Variants in FLRT1 observed in about 807,000 individuals in gnomAD.
FLRT1 encodes leucine-rich repeat transmembrane protein FLRT1.
FLRT1 carries 14 observed loss-of-function variants against 30.9 expected under a neutral mutation model. That is an observed-to-expected ratio of 0.45 (90% CI 0.30 to 0.71). The LOEUF (loss-of-function observed/expected upper bound fraction) is 0.71, where lower values mean the gene tolerates loss of function less well. Among genes scored for constraint, FLRT1 ranks in the 30% least tolerant of loss-of-function variants. FLRT1 has a pLI of 0.08. For synonymous variants in FLRT1, 368 were observed against 430.4 expected (o/e 0.85, Z 1.80); for missense variants, 737 against 949.2 (o/e 0.78, Z 2.94).
intron 1 of FLRT1, among the ~76,000 whole-genome samples, chr11:64,041,517 T>A (rs1943487126): frequency 6.8e-6 from 1 of 146,742 alleles, no homozygotes; most frequent in South Asian, 2.3e-4. Context: ...GAGGGTGTGT[T>A]GGGGGACACC....
In FLRT1 at chr11:64,064,670, C is replaced by T. The variant is rs2622417; in HGVS notation, c.-1038+28511C>T. Among the ~76,000 whole-genome samples the T allele has an allele frequency of 2.9e-4, 39 of 136,340 alleles. No homozygotes were observed. The highest frequency in any genetic ancestry group is 3.5e-3 in the Middle Eastern group (1 of 288). 89.4% of individuals were successfully genotyped at this position (136,340 alleles called of 152,430 possible). A position where few individuals can be genotyped will look rare whatever the true frequency, so the allele number is the denominator to read the frequency against. On this transcript the variant is annotated intron_variant, in intron 1 of 2. Coordinates refer to ENST00000682287, the MANE Select transcript of FLRT1 (RefSeq NM_013280.5). This position sits in a 1 kb window ranked among gnomAD's most constrained non-coding sequence, Gnocchi z 4.5. The stretch of plus-strand genomic sequence containing the variant: ...TAGGGGCCTCTGGCAGGACATTAAA[C>T]GGCACCGAGATAGAAGGAGGGGGGC...
intron 2 of FLRT1, among the ~76,000 whole-genome samples, chr11:64,112,651 C>T (rs1031114026): frequency 1.6e-4 from 25 of 152,194 alleles, no homozygotes; most frequent in Admixed American, 6.5e-4. Context: ...CAGGAAAGGC[C>T]TCACTGGAAG....
intron 1 of FLRT1, among the ~76,000 whole-genome samples, chr11:64,049,360 C>T (rs187032185): frequency 5.3e-4 from 81 of 152,348 alleles, no homozygotes; most frequent in African/African-American, 1.9e-3. Context: ...CTGTTCACAG[C>T]GGTGCCCACG....
At chr11:64,087,395 T>C (rs1590888837) in intron 1 of FLRT1, among the ~76,000 whole-genome samples, 1 of 152,176 alleles carries the variant, frequency 6.6e-6, no homozygotes, top group East Asian at 1.9e-4. Flanking sequence ...CACAGGCCGG[T>C]TGTCCCCAGC....
intron 1 of FLRT1, among the ~76,000 whole-genome samples, chr11:64,091,491 G>T (rs796960868): frequency 6.7e-5 from 10 of 150,186 alleles, no homozygotes; most frequent in African/African-American, 2.2e-4. Flanking sequence ...CAGGGGTGAG[G>T]CTGGGGTGGG....
chr11:64,040,856 C>A (rs971451581), intron 1 of FLRT1, among the ~76,000 whole-genome samples: 38 of 152,186 alleles, frequency 2.5e-4, no homozygotes, highest in Admixed American at 4.6e-4. Flanking sequence ...CAGCTAGCCA[C>A]TAGGGGACAC....
chr11:64,081,273 C>T (rs1048794579), intron 1 of FLRT1, among the ~76,000 whole-genome samples: 2 of 152,192 alleles, frequency 1.3e-5, no homozygotes, highest in Admixed American at 6.5e-5. Context: ...CTGCCCACCT[C>T]GGCCTCCCAA....
At chr11:64,079,430 G>A (rs1053450950) in intron 1 of FLRT1, among the ~76,000 whole-genome samples, 4 of 152,154 alleles carry the variant, frequency 2.6e-5, no homozygotes, top group African/African-American at 9.7e-5. Context: ...AAGACAGTGG[G>A]TGTTGAAGCC....
At chr11:64,038,394 C>G (rs1943423610) in intron 1 of FLRT1, among the ~76,000 whole-genome samples, 1 of 152,290 alleles carries the variant, frequency 6.6e-6, no homozygotes, top group Non-Finnish European at 1.5e-5. Context: ...CAGGGAAGGG[C>G]AGTGCACACA....
At chr11:64,100,836 G>T (rs1480915904) in intron 1 of FLRT1, among the ~76,000 whole-genome samples, 2 of 152,194 alleles carry the variant, frequency 1.3e-5, no homozygotes, top group East Asian at 3.9e-4. Flanking sequence ...GTTCCAGGAG[G>T]CTCTGCAGGC....
At chr11:64,100,092 G>C (rs1410208487) in intron 1 of FLRT1, among the ~76,000 whole-genome samples, 1 of 152,160 alleles carries the variant, frequency 6.6e-6, no homozygotes, top group Non-Finnish European at 1.5e-5. Context: ...CACAAGTCCT[G>C]CTCCCTCTTC....
In FLRT1 at chr11:64,100,351, T is replaced by C. The variant is rs547624247; in HGVS notation, c.-1037-2843T>C. ...GTGATGTGATTGACGACAACAAAAG[T>C]AGAAAATTGTGTAAGCATCTCAAAG... On this transcript the variant is annotated intron_variant, in intron 1 of 2. Coordinates refer to ENST00000682287, the MANE Select transcript of FLRT1 (RefSeq NM_013280.5). Among the ~76,000 whole-genome samples, 64 of 152,238 alleles carry C rather than the reference T, an allele frequency of 4.2e-4. 2 individuals are homozygous for C. The South Asian group carries it at 5.2e-3, about 12-fold the overall frequency.
intron 1 of FLRT1, among the ~76,000 whole-genome samples, chr11:64,083,228 G>T (rs551349808): frequency 1.6e-4 from 24 of 152,284 alleles, no homozygotes; most frequent in African/African-American, 5.8e-4. Flanking sequence ...CTGAGCTCAG[G>T]AGTTCGAGAC....
At chr11:64,053,204 A>T (rs1482149255) in intron 1 of FLRT1, among the ~76,000 whole-genome samples, 1 of 151,980 alleles carries the variant, frequency 6.6e-6, no homozygotes, top group African/African-American at 2.4e-5. Flanking sequence ...CGTGCTGGGG[A>T]GCAGGGTGGG....
At chr11:64,061,071 C>G (rs937596448) in intron 1 of FLRT1, among the ~76,000 whole-genome samples, 1 of 152,150 alleles carries the variant, frequency 6.6e-6, no homozygotes, top group Non-Finnish European at 1.5e-5. Flanking sequence ...GGCGTCCCCC[C>G]CACTCCCAAC....
chr11:64,038,477 G>A (rs1174718025), intron 1 of FLRT1, among the ~76,000 whole-genome samples: 3 of 152,188 alleles, frequency 2.0e-5, no homozygotes, highest in Non-Finnish European at 2.9e-5. Context: ...TTGACCCTGC[G>A]GGTGTTGAGG....
chr11:64,078,243 G>C (rs1253730817), intron 1 of FLRT1, among the ~76,000 whole-genome samples: 1 of 152,184 alleles, frequency 6.6e-6, no homozygotes, highest in Non-Finnish European at 1.5e-5. Context: ...CCAGAAGGGA[G>C]GTGGGCAGGT....
At chr11:64,055,339 C>T (rs1001750850) in intron 1 of FLRT1, among the ~76,000 whole-genome samples, 5 of 152,210 alleles carry the variant, frequency 3.3e-5, no homozygotes, top group Non-Finnish European at 7.3e-5. Context: ...CTTTAAATAC[C>T]AGCTGGAAGC....
intron 2 of FLRT1, among the ~76,000 whole-genome samples, chr11:64,114,548 C>CATGG (rs139254051): frequency 5.7e-4 from 78 of 136,106 alleles, no homozygotes; most frequent in African/African-American, 2.0e-3. Context: ...TGGATTGATG[C>CATGG]ATGGATGGAT....
Sources: gnomAD v4.1 joint callset for allele counts (sites outside exome capture counted in the v4.1 genomes callset) on GRCh38, gnomAD v4.1.1 for gene constraint, Gnocchi (gnomAD v3.1) non-coding constraint, MANE v1.5 for transcripts, NCBI Gene and HGNC (gene_info 2026-07-23, HGNC 2026-07-21) for gene names.